Variants in TTC38 observed in about 807,000 individuals in gnomAD.
TTC38 encodes the protein tetratricopeptide repeat protein 38.
TTC38 carries 64 observed loss-of-function variants against 64.2 expected under a neutral mutation model. That is an observed-to-expected ratio of 1.00 (90% CI 0.81 to 1.23). The LOEUF (loss-of-function observed/expected upper bound fraction) is 1.23. TTC38 is among the 50% of genes most tolerant of loss of function. The pLI, the probability that TTC38 is intolerant of heterozygous loss-of-function variation, is 0.00. For synonymous variants in TTC38, 254 were observed against 249.3 expected (o/e 1.02, Z -0.18); for missense variants, 573 against 615.5 (o/e 0.93, Z 0.73).
chr22:46,277,998 G>A (rs189803110), intron 5 of TTC38, among the ~76,000 whole-genome samples: 4 of 152,372 alleles, frequency 2.6e-5, no homozygotes, highest in Admixed American at 6.5e-5. Context: ...GCCGCTCTCC[G>A]TGCTGGGCTT....
chr22:46,274,082 C>T lies in TTC38; in HGVS notation c.365+13C>T. 1 of 1,578,288 alleles carries T rather than the reference C, an allele frequency of 6.3e-7. No individual in the cohort carries two copies. Among genetic ancestry groups the T allele is most frequent in the East Asian group, 2.4e-5 (1 of 42,076 alleles). ...CATTTGCCAATGGGTGAGGGGCCTCCCTGGGCTGGGAGCTGGCACCCTGAG... is the reference window on the plus strand; with the variant it reads ...CATTTGCCAATGGGTGAGGGGCCTCTCTGGGCTGGGAGCTGGCACCCTGAG... On this transcript the variant is annotated intron_variant, in intron 4 of 13. Transcript: ENST00000381031. The surrounding 1 kb of genome is among the most constrained non-coding windows in gnomAD (Gnocchi z 4.8).
At position 46,288,491 on chromosome 22, in the gene TTC38, C is replaced by G. The variant is rs779619409; in HGVS notation, c.985C>G (p.Leu329Val). The change falls in exon 11 of 14, where the codon CTG (leucine) becomes GTG (valine). Residue 329 changes from leucine (L) to valine (V), a missense_variant. This residue lies in a region of TTC38 where 371 missense variants were observed against 381.8 expected (regional missense o/e 0.97). Coordinates refer to ENST00000381031, the MANE Select transcript of TTC38 (RefSeq NM_017931.4). ...CCGGAAGCACAGCCGAGACCACATCCTGCTGTTCAATGACGCACACTTCCT... is the reference window on the plus strand; with the variant it reads ...CCGGAAGCACAGCCGAGACCACATCGTGCTGTTCAATGACGCACACTTCCT... Reference protein sequence around the residue: ...VARKHSRDHILLFNDAHFLMA... With the variant: ...VARKHSRDHIVLFNDAHFLMA... 2.5e-6 allele frequency: 4 copies of G among 1,613,962 alleles called. No individual in the cohort carries two copies. The highest frequency in any genetic ancestry group is 2.5e-6 in the Non-Finnish European group (3 of 1,179,962).
Position 46,289,409 on chromosome 22 carries a change from G to C in TTC38, c.1090G>C (p.Gly364Arg). Residue 364 changes from glycine (G) to arginine (R), a missense_variant, in exon 12 of 14, where the codon GGG becomes CGG. Around this residue, in one of 3 missense-constraint regions of TTC38, gnomAD observed 371 missense variants for 381.8 expected, o/e 0.97. Transcript: ENST00000381031. Reference protein sequence around the residue: ...TTLRDASESPGENCQHLLARD... With the variant: ...TTLRDASESPRENCQHLLARD... ...ACCGTCTTGGGTTCGCAGATCCCCA[G>C]GGGAGAACTGCCAGCACCTCCTGGC... is the stretch of plus-strand genomic sequence containing the variant. 6.2e-7 allele frequency: 1 copy of C among 1,608,740 alleles called. No homozygotes were observed. The highest frequency in any genetic ancestry group is 8.5e-7 in the Non-Finnish European group (1 of 1,179,548).
chr22:46,280,785 G>A (rs964687212), intron 6 of TTC38, among the ~76,000 whole-genome samples: 3 of 152,240 alleles, frequency 2.0e-5, no homozygotes, highest in Non-Finnish European at 2.9e-5. Flanking sequence ...AAAGGCGTGG[G>A]GAGACTGAGG....
rs1361987411 is a variant in TTC38, at chr22:46,275,203, G to A, written c.366-45G>A. 6.4e-7 allele frequency: 1 copy of A among 1,569,672 alleles called. No homozygotes were observed. The highest frequency in any genetic ancestry group is 2.2e-5 in the East Asian group (1 of 44,602). ...TGCCTCTTACACTCCCTGTGTGGGT[G>A]GACTATGTGTTCAGCGTTGGTGAGA... On this transcript the variant is annotated intron_variant, in intron 4 of 13. Coordinates refer to ENST00000381031, the MANE Select transcript of TTC38 (RefSeq NM_017931.4). The surrounding 1 kb of genome is among the most constrained non-coding windows in gnomAD (Gnocchi z 4.5).
intron 12 of TTC38, 62 bp downstream of exon 12, chr22:46,289,623 C>T: frequency 6.5e-7 from 1 of 1,533,586 alleles, no homozygotes; most frequent in Non-Finnish European, 8.8e-7. Context: ...GGGCGCCCCG[C>T]AGCCCCCAAG....
chr22:46,288,712 C>T (rs2077589930), intron 11 of TTC38, 124 bp downstream of exon 11: 9 of 987,080 alleles, frequency 9.1e-6, no homozygotes, highest in Non-Finnish European at 1.3e-5. Context: ...GGGGGATGCC[C>T]ATGGAGGCAG....
chr22:46,290,871 A>G (rs1489125983), intron 13 of TTC38, among the ~76,000 whole-genome samples: 1 of 151,952 alleles, frequency 6.6e-6, no homozygotes, highest in African/African-American at 2.4e-5. Flanking sequence ...CGAGTTTGAC[A>G]CCTCTCCTTG....
rs1414179023 is a variant in TTC38, at chr22:46,282,408, G to A, written c.735+690G>A. On this transcript the variant is annotated intron_variant, in intron 7 of 13. Coordinates refer to ENST00000381031, the MANE Select transcript of TTC38 (RefSeq NM_017931.4). The surrounding 1 kb of genome is among the most constrained non-coding windows in gnomAD (Gnocchi z 4.4). ...GGGAAGGAAAGGCTAGCACCATGGT[G>A]GAGGTGGGCCCTCTGGACAGACGGG... 2.0e-5 allele frequency among the ~76,000 whole-genome samples: 3 copies of A among 152,230 alleles called. No homozygotes were observed. The highest frequency in any genetic ancestry group is 7.2e-5 in the African/African-American group (3 of 41,460).
intron 8 of TTC38, among the ~76,000 whole-genome samples, 177 bp from the exon 9 acceptor site, chr22:46,285,064 C>T (rs1215934374): frequency 2.0e-5 from 3 of 151,974 alleles, no homozygotes; most frequent in East Asian, 1.9e-4. Context: ...CGGTTGGAAG[C>T]GGGTTCACCT....
At chr22:46,286,957 C>A in intron 9 of TTC38, 116 bp from the exon 10 acceptor site, 1 of 716,198 alleles carries the variant, frequency 1.4e-6, no homozygotes, top group Non-Finnish European at 2.3e-6. Context: ...GGGACAGTGG[C>A]AGAGGGCTTG....
Position 46,287,153 on chromosome 22 carries a change from A to G in TTC38, c.915A>G (p.Glu305=). ...CCATGCTCTACCGCCTGCAGATGGAAGGTAGCCATCCCTGCAGCCCCACTG... is the reference window on the plus strand; with the variant it reads ...CCATGCTCTACCGCCTGCAGATGGAGGGTAGCCATCCCTGCAGCCCCACTG... ...SCSMLYRLQM[E]GVSVGQRWQD... Residue 305 remains glutamate, a splice_region_variant and synonymous_variant, in exon 10 of 14, where the codon GAA becomes GAG. Coordinates refer to ENST00000381031, the MANE Select transcript of TTC38 (RefSeq NM_017931.4). 6.2e-7 allele frequency: 1 copy of G among 1,601,174 alleles called. No individual in the cohort carries two copies.
Position 46,272,421 on chromosome 22 carries a change from G to C in TTC38, c.193+5G>C. 1 of 1,611,968 alleles carries C rather than the reference G, an allele frequency of 6.2e-7. No individual in the cohort carries two copies. The highest frequency in any genetic ancestry group is 1.1e-5 in the South Asian group (1 of 91,008). On this transcript the variant is annotated splice_donor_5th_base_variant and intron_variant, in intron 3 of 13. Transcript: ENST00000381031. This position sits in a 1 kb window ranked among gnomAD's most constrained non-coding sequence, Gnocchi z 6.4. ...AAGCAGCAGATCCAACCTTTGGTGA[G>C]TAACGCCTTCCCTGGGTGGAGGAGC... is the stretch of plus-strand genomic sequence containing the variant.
intron 10 of TTC38, 152 bp downstream of exon 10, chr22:46,287,306 C>A: frequency 1.6e-6 from 1 of 618,106 alleles, no homozygotes; most frequent in Non-Finnish European, 2.7e-6. Context: ...GGGTACCGTT[C>A]TGCAGCTGCC....
rs57859102 is a variant in TTC38, at chr22:46,276,824, A to AATATATATATATATAT, written c.539+1405_539+1420dup. Among the ~76,000 whole-genome samples, 42 of 139,538 alleles carry AATATATATATATATAT rather than the reference A, an allele frequency of 3.0e-4. No individual in the cohort carries two copies. Among genetic ancestry groups the AATATATATATATATAT allele is most frequent in the African/African-American group, 1.1e-3 (40 of 36,172 alleles). The allele number at this position is 139,538 out of a possible 152,430, so 91.5% of individuals were successfully genotyped here. ...ATTATATATTAAAATATATATATTA[A>AATATATATATATATAT]ATATATATATATATATAAACATATA... On this transcript the variant is annotated intron_variant, in intron 5 of 13. Transcript: ENST00000381031. The surrounding 1 kb of genome is among the most constrained non-coding windows in gnomAD (Gnocchi z 4.7).
intron 13 of TTC38, among the ~76,000 whole-genome samples, chr22:46,290,847 G>A (rs998903131): frequency 8.5e-5 from 13 of 152,188 alleles, no homozygotes; most frequent in African/African-American, 2.4e-4. Flanking sequence ...TGCGTAGCCC[G>A]TGTGCCTGAG....
At position 46,281,835 on chromosome 22, in the gene TTC38, C is replaced by T; in HGVS notation, c.735+117C>T. 7.4e-7 allele frequency: 1 copy of T among 1,344,610 alleles called. No individual in the cohort carries two copies. Among genetic ancestry groups the T allele is most frequent in the Admixed American group, 1.9e-5 (1 of 53,748 alleles). The allele number at this position is 1,344,610 out of a possible 1,614,324, so 83.3% of individuals were successfully genotyped here. ...TGGCTTAATTCTCGGGGTTCCCTCT[C>T]CTCCTCCACCTGCACCTGCCTCAGG... On this transcript the variant is annotated intron_variant, in intron 7 of 13. Transcript: ENST00000381031. The surrounding 1 kb of genome is among the most constrained non-coding windows in gnomAD (Gnocchi z 5.2).
At chr22:46,289,262 C>T in intron 11 of TTC38, 140 bp from the exon 12 acceptor site, 1 of 1,115,864 alleles carries the variant, frequency 9.0e-7, no homozygotes, top group Non-Finnish European at 1.3e-6. Context: ...GATGGGCTGC[C>T]CCGCCTGTCA....
In TTC38 at chr22:46,277,046, T is replaced by TACAC. The variant is rs4044315; in HGVS notation, c.540-1504_540-1501dup. Among the ~76,000 whole-genome samples the TACAC allele has an allele frequency of 2.2e-3, 291 of 131,302 alleles. 2 individuals carry two copies. The highest frequency in any genetic ancestry group is 5.8e-3 in the South Asian group (24 of 4,124). 86.1% of individuals were successfully genotyped at this position (131,302 alleles called of 152,430 possible). On this transcript the variant is annotated intron_variant, in intron 5 of 13. Coordinates refer to ENST00000381031, the MANE Select transcript of TTC38 (RefSeq NM_017931.4). ...CCAGTAAACAATACATATATATACA[T>TACAC]ACACACACACACACACACACACACA...
Sources: allele counts gnomAD v4.1 joint callset (sites outside exome capture counted in the v4.1 genomes callset), GRCh38; gene constraint gnomAD v4.1.1; regional missense constraint gnomAD v4.1.1; non-coding constraint Gnocchi (gnomAD v3.1); transcripts MANE v1.5; gene names NCBI Gene and HGNC (gene_info 2026-07-23, HGNC 2026-07-21).